The following CSMD3 variants were observed in gnomAD, a reference collection of about 807,000 sequenced individuals.
The protein encoded by CSMD3 is CUB and sushi domain-containing protein 3.
In CSMD3, 177 loss-of-function variants were observed where a neutral mutation model predicts 435.2. That is an observed-to-expected ratio of 0.41 (90% CI 0.36 to 0.46). CSMD3 has a LOEUF of 0.46. Ranked by LOEUF, CSMD3 falls within the 20% of genes least tolerant of loss-of-function variation. The probability of loss-of-function intolerance (pLI) is 0.34; values close to 1 mark genes in which losing one functional copy is unlikely to be tolerated. For synonymous variants in CSMD3, 1,656 were observed against 1,520.5 expected (o/e 1.09, Z -2.07); for missense variants, 4,265 against 4,504.6 (o/e 0.95, Z 1.52).
intron 1 of CSMD3, among the ~76,000 whole-genome samples, chr8:113,434,329 A>C (rs899217782): frequency 6.6e-5 from 10 of 152,206 alleles, no homozygotes; most frequent in Non-Finnish European, 1.3e-4. Flanking sequence ...ATTCCAGAAG[A>C]AAGTGTAGAA....
At position 112,672,802 on chromosome 8, in the gene CSMD3, A is replaced by G. The variant is rs534912947; in HGVS notation, c.2678-6387T>C. 2.2e-4 allele frequency among the ~76,000 whole-genome samples: 33 copies of G among 152,214 alleles called. No individual in the cohort carries two copies. In the South Asian group the frequency reaches 5.8e-3, roughly 27 times the overall value. ...TAATGTGAGTTTGAGTGCTGGCTCA[A>G]TTTTGTCTTACTTTAAGAAGAAAGG... On this transcript the variant is annotated intron_variant, in intron 16 of 70. Coordinates refer to ENST00000297405, the MANE Select transcript of CSMD3 (RefSeq NM_198123.2).
intron 12 of CSMD3, among the ~76,000 whole-genome samples, chr8:112,821,427 T>G (rs2132435714): frequency 6.6e-6 from 1 of 152,290 alleles, no homozygotes; most frequent in East Asian, 1.9e-4. Flanking sequence ...TTTTCATGTT[T>G]GTTGGCTGCA....
chr8:112,744,489 T>C (rs1549351), intron 13 of CSMD3, among the ~76,000 whole-genome samples: 57,317 of 151,812 alleles, frequency 0.38, 12,138 homozygotes, highest in African/African-American at 0.58. Context: ...TAATCACATT[T>C]ACTAATATAA....
chr8:112,973,027 T>C (rs1392820579), intron 7 of CSMD3, among the ~76,000 whole-genome samples: 1 of 151,944 alleles, frequency 6.6e-6, no homozygotes, highest in Non-Finnish European at 1.5e-5. Context: ...TTTGGCTAAT[T>C]AAAATAAATT....
chr8:112,804,281 G>A (rs960540865), intron 12 of CSMD3, among the ~76,000 whole-genome samples: 2 of 151,882 alleles, frequency 1.3e-5, no homozygotes, highest in African/African-American at 2.4e-5. Context: ...GTTAGCAGCA[G>A]TTACTTAGTT....
intron 61 of CSMD3, among the ~76,000 whole-genome samples, chr8:112,263,222 C>T (rs1476903028): frequency 4.0e-5 from 6 of 151,264 alleles, no homozygotes; most frequent in African/African-American, 1.5e-4. Context: ...ATGTAAAATC[C>T]CAATCATTAT....
chr8:112,811,412 A>G (rs138666703), intron 12 of CSMD3, among the ~76,000 whole-genome samples: 1 of 106,330 alleles, frequency 9.4e-6, no homozygotes, highest in African/African-American at 3.6e-5. Context: ...TAAAGAAAAC[A>G]CTTACAAGTT....
At chr8:112,901,134 A>C (rs1290668871) in intron 10 of CSMD3, among the ~76,000 whole-genome samples, 1 of 151,270 alleles carries the variant, frequency 6.6e-6, no homozygotes, top group Admixed American at 6.6e-5. Flanking sequence ...AATAATGGCC[A>C]CTATGGTAAG....
chr8:113,191,510 C>T (rs575800134), intron 3 of CSMD3, among the ~76,000 whole-genome samples: 3 of 151,458 alleles, frequency 2.0e-5, no homozygotes, highest in Non-Finnish European at 3.0e-5. Flanking sequence ...TTTTCTGTTC[C>T]CATGTTAATT....
In CSMD3 at chr8:112,223,867, G is replaced by C. The variant is rs986603966; in HGVS notation, c.*904C>G. The C allele has an allele frequency of 6.6e-6, 1 of 152,088 alleles. No homozygotes were observed. Among genetic ancestry groups the C allele is most frequent in the Non-Finnish European group, 1.5e-5 (1 of 68,006 alleles). 9.4% of individuals were successfully genotyped at this position (152,088 alleles called of 1,614,324 possible). On this transcript the variant is annotated 3_prime_UTR_variant, in exon 71 of 71. Transcript: ENST00000297405. ...CGATCAAAAATATTGTAAAATAAAG[G>C]ATGGTAAGTTTGGTGTCTCAGATAA...
intron 2 of CSMD3, among the ~76,000 whole-genome samples, chr8:113,299,185 ACTAT>A (rs1371167699): frequency 2.0e-5 from 3 of 152,154 alleles, no homozygotes; most frequent in African/African-American, 7.2e-5. Context: ...GTTTCAACTG[ACTAT>A]CTCAGAGATT....
At position 113,372,778 on chromosome 8, in the gene CSMD3, C is replaced by T. The variant is rs562509619; in HGVS notation, c.179-57985G>A. Among the ~76,000 whole-genome samples, 88 of 151,822 alleles carry T rather than the reference C, an allele frequency of 5.8e-4. 1 individual carries two copies. In the South Asian group the frequency reaches 0.016, roughly 28 times the overall value. On this transcript the variant is annotated intron_variant, in intron 1 of 70. Coordinates refer to ENST00000297405, the MANE Select transcript of CSMD3 (RefSeq NM_198123.2). ...GAAACCCCGTCTCTAACTAAAAATA[C>T]AAAAAATTAGCCGGGCGTGGTGGCG...
chr8:113,416,586 T>C (rs1423574490), intron 1 of CSMD3, among the ~76,000 whole-genome samples: 1 of 152,116 alleles, frequency 6.6e-6, no homozygotes, highest in African/African-American at 2.4e-5. Flanking sequence ...TTTAGAATCT[T>C]AACATTCCCA....
intron 5 of CSMD3, among the ~76,000 whole-genome samples, chr8:113,027,022 T>C (rs999523691): frequency 1.3e-5 from 2 of 152,172 alleles, no homozygotes; most frequent in Non-Finnish European, 2.9e-5. Flanking sequence ...TTAAGTACTA[T>C]CCTATTACAA....
At chr8:113,281,789 A>G (rs547427044) in intron 2 of CSMD3, among the ~76,000 whole-genome samples, 73 of 152,010 alleles carry the variant, frequency 4.8e-4, no homozygotes, top group African/African-American at 1.7e-3. Flanking sequence ...TTTATGCTTT[A>G]AAGAGGTTCT....
At chr8:113,088,909 A>T (rs2089905011) in intron 5 of CSMD3, among the ~76,000 whole-genome samples, 1 of 152,146 alleles carries the variant, frequency 6.6e-6, no homozygotes, top group African/African-American at 2.4e-5. Context: ...TTCCTCCAGC[A>T]AACTGGGATT....
At chr8:112,392,074 T>C (rs1030626118) in intron 35 of CSMD3, among the ~76,000 whole-genome samples, 2 of 152,104 alleles carry the variant, frequency 1.3e-5, no homozygotes, top group African/African-American at 4.8e-5. Context: ...GAAGCTAGAA[T>C]GTACATAAGA....
chr8:112,569,911 T>C (rs2131286119), intron 24 of CSMD3, among the ~76,000 whole-genome samples: 1 of 152,316 alleles, frequency 6.6e-6, no homozygotes, highest in Non-Finnish European at 1.5e-5. Flanking sequence ...TGATCCTCCC[T>C]AGACAAATGT....
intron 1 of CSMD3, among the ~76,000 whole-genome samples, chr8:113,368,331 A>G (rs1012545379): frequency 1.1e-4 from 16 of 152,272 alleles, no homozygotes; most frequent in African/African-American, 3.8e-4. Context: ...CAGGAATTTA[A>G]CAGATATGCT....
Sources: gnomAD v4.1 joint callset for allele counts (sites outside exome capture counted in the v4.1 genomes callset) on GRCh38, gnomAD v4.1.1 for gene constraint, MANE v1.5 for transcripts, NCBI Gene and HGNC (gene_info 2026-07-23, HGNC 2026-07-21) for gene names.